ACSS2: variants seen among roughly 807,000 people sequenced by gnomAD.
The protein encoded by ACSS2 is acyl-CoA synthetase short chain family member 2, also known as acetyl-coenzyme A synthetase, cytoplasmic.
Under a neutral mutation model 90.6 loss-of-function variants are expected in ACSS2, and 58 were observed. The ratio of observed to expected loss-of-function variants is 0.64; its 90% CI spans 0.52 to 0.80. The LOEUF is 0.80. ACSS2 is among the 30% of genes least tolerant of loss of function. ACSS2 has a pLI of 0.00. For missense variants in ACSS2, 759 were observed against 912.0 expected (o/e 0.83, Z 2.16); for synonymous variants, 300 against 330.9 (o/e 0.91, Z 1.01).
intron 7 of ACSS2, among the ~76,000 whole-genome samples, chr20:34,916,745 C>T (rs1451296878): frequency 3.9e-5 from 6 of 151,998 alleles, no homozygotes; most frequent in Non-Finnish European, 7.4e-5. Flanking sequence ...CCTGGCAGGG[C>T]TCCAAACCCC....
At chr20:34,909,379 C>T (rs1033209034) in intron 2 of ACSS2, among the ~76,000 whole-genome samples, 7 of 151,734 alleles carry the variant, frequency 4.6e-5, no homozygotes, top group Non-Finnish European at 8.8e-5. Context: ...AAAACAACAA[C>T]AACAACAAAT....
Position 34,926,382 on chromosome 20 carries a change from CACAA to C in ACSS2, c.1903+105_1903+108del, listed in dbSNP as rs887965199. On this transcript the variant is annotated intron_variant, in intron 16 of 17. Transcript: ENST00000360596. ...GGCTAGAGCAAGCTGCTCCCCAAAC[CACAA>C]ACAGATTCCAGGGGGCCCCATGGGC... 8.9e-6 allele frequency: 12 copies of C among 1,349,072 alleles called. No individual in the cohort carries two copies. The African/African-American group carries it at 1.3e-4, about 15-fold the overall frequency. The allele number at this position is 1,349,072 out of a possible 1,614,324, so 83.6% of individuals were successfully genotyped here.
At chr20:34,897,787 C>G (rs2080502048) in intron 2 of ACSS2, among the ~76,000 whole-genome samples, 1 of 151,948 alleles carries the variant, frequency 6.6e-6, no homozygotes, top group Non-Finnish European at 1.5e-5. Flanking sequence ...CAAGATCATG[C>G]CACCACACTC....
chr20:34,876,940 T>C, intron 1 of ACSS2, 117 bp downstream of exon 1: 1 of 618,252 alleles, frequency 1.6e-6, no homozygotes, highest in Non-Finnish European at 2.3e-6. Context: ...GGAGGTTCTG[T>C]GAAGGAAGAA....
rs1309270603 is a variant in ACSS2, at chr20:34,921,451, C to G, written c.1399C>G (p.Gln467Glu). The part of the protein sequence containing the change: ...QRCPIVDTFW[Q>E]TETGGHMLTP... ...CTGCCCCATCGTGGACACCTTCTGGCAAACAGAGACAGTGAGTGAAGGGTA... is the reference window on the plus strand; with the variant it reads ...CTGCCCCATCGTGGACACCTTCTGGGAAACAGAGACAGTGAGTGAAGGGTA... The change falls in exon 11 of 18, where the codon CAA becomes GAA. Residue 467 changes from glutamine (Q) to glutamate (E), a missense_variant. Physicochemically the swap from Gln to Glu is conservative, Grantham distance 29 (BLOSUM62 2). Coordinates refer to ENST00000360596, the MANE Select transcript of ACSS2 (RefSeq NM_018677.4). The G allele has an allele frequency of 1.2e-6, 2 of 1,614,210 alleles. No homozygotes were observed. Among genetic ancestry groups the G allele is most frequent in the East Asian group, 2.2e-5 (1 of 44,884 alleles).
chr20:34,926,023 G>A (rs2081311036), intron 15 of ACSS2, 82 bp from the exon 16 acceptor site: 12 of 1,476,758 alleles, frequency 8.1e-6, no homozygotes, highest in Non-Finnish European at 1.0e-5. Flanking sequence ...GCCAGACCAG[G>A]ACTGCCCCAT....
intron 2 of ACSS2, among the ~76,000 whole-genome samples, chr20:34,904,560 G>A (rs1321721856): frequency 6.6e-6 from 1 of 152,214 alleles, no homozygotes; most frequent in African/African-American, 2.4e-5. Flanking sequence ...AGCATTCTGA[G>A]CAGAAGGGTG....
chr20:34,924,686 TTG>T (rs1298748986), intron 14 of ACSS2, among the ~76,000 whole-genome samples: 1,495 of 23,862 alleles, frequency 0.063, 14 homozygotes, highest in African/African-American at 0.33. Flanking sequence ...CTTTTTTTTG[TTG>T]TTGTTGTTGT....
intron 7 of ACSS2, 152 bp downstream of exon 7, chr20:34,914,589 G>A: frequency 1.5e-6 from 1 of 684,750 alleles, no homozygotes; most frequent in East Asian, 2.8e-5. Flanking sequence ...GGCTAGGTGG[G>A]AACTGGAAGA....
chr20:34,882,719 A>C, intron 1 of ACSS2, 75 bp from the exon 2 acceptor site: 1 of 1,440,158 alleles, frequency 6.9e-7, no homozygotes, highest in East Asian at 2.3e-5. Flanking sequence ...GGTCCTGTGT[A>C]TAGACTGGTA....
At chr20:34,875,023 G>T (rs761722220), upstream of ACSS2, 6 of 533,458 alleles carry the variant, frequency 1.1e-5, no homozygotes, top group Middle Eastern at 3.7e-4. Flanking sequence ...GGTGGGAGCT[G>T]CCCGCTTCAG....
chr20:34,913,137 A>G lies in ACSS2; in HGVS notation c.416A>G (p.His139Arg). 6.2e-7 allele frequency: 1 copy of G among 1,614,178 alleles called. No individual in the cohort carries two copies. Among genetic ancestry groups the G allele is most frequent in the Non-Finnish European group, 8.5e-7 (1 of 1,180,040 alleles). Residue 139 changes from histidine (H) to arginine (R), a missense_variant, in exon 3 of 18, where the codon CAT (histidine) becomes CGT (arginine). His to Arg is a conservative substitution (Grantham distance 29). Coordinates refer to ENST00000360596, the MANE Select transcript of ACSS2 (RefSeq NM_018677.4). ...GGGGAGACCACTCAGATCACATACC[A>G]TCAGCTTCTGGTCCAAGTGTGTCAG... is the stretch of plus-strand genomic sequence containing the variant. ...EPGETTQITY[H>R]QLLVQVCQFS...
upstream of ACSS2, chr20:34,875,271 G>T (rs2079882657): frequency 4.2e-6 from 2 of 472,102 alleles, no homozygotes; most frequent in Non-Finnish European, 4.4e-6. Context: ...GATTGTGAAG[G>T]AAAGAAGAGA....
intron 11 of ACSS2, 26 bp downstream of exon 11, chr20:34,921,488 G>A (rs2081196941): frequency 1.2e-6 from 2 of 1,614,062 alleles, no homozygotes; most frequent in African/African-American, 1.3e-5. Flanking sequence ...AGAAGGCTGG[G>A]GCCCAGGGAC....
intron 2 of ACSS2, among the ~76,000 whole-genome samples, chr20:34,886,298 C>T (rs369410048): frequency 1.2e-4 from 19 of 152,010 alleles, no homozygotes; most frequent in South Asian, 1.2e-3. Flanking sequence ...CTTTTATGTA[C>T]GGATTTTTAT....
intron 2 of ACSS2, among the ~76,000 whole-genome samples, chr20:34,905,512 A>C (rs1298607190): frequency 6.6e-6 from 1 of 151,320 alleles, no homozygotes; most frequent in East Asian, 2.0e-4. Context: ...CGCCCGCCTC[A>C]GCCTCCCAGA....
chr20:34,875,369 G>C (rs1278651815), upstream of ACSS2, among the ~76,000 whole-genome samples: 1 of 152,190 alleles, frequency 6.6e-6, no homozygotes, highest in Admixed American at 6.5e-5. Flanking sequence ...AGGAGTTCAA[G>C]ACCAGCCTGG....
intron 7 of ACSS2, among the ~76,000 whole-genome samples, chr20:34,915,975 T>C (rs893988138): frequency 1.3e-5 from 2 of 152,172 alleles, no homozygotes; most frequent in African/African-American, 4.8e-5. Context: ...ATAACACATG[T>C]TATAAAAGGA....
upstream of ACSS2, chr20:34,875,118 C>T (rs1464419815): frequency 1.9e-6 from 1 of 534,698 alleles, no homozygotes; most frequent in Non-Finnish European, 3.8e-6. Context: ...GAGGTGGGCA[C>T]TTCTTTGTGG....
Sources: allele counts gnomAD v4.1 joint callset (sites outside exome capture counted in the v4.1 genomes callset), GRCh38; gene constraint gnomAD v4.1.1; transcripts MANE v1.5; gene names NCBI Gene and HGNC (gene_info 2026-07-23, HGNC 2026-07-21).